The following C6orf163 variants were observed in gnomAD, a reference collection of about 807,000 sequenced individuals.
C6orf163 encodes the protein uncharacterized protein C6orf163.
A neutral mutation model predicts 28.4 loss-of-function variants in C6orf163; 22 were observed. The ratio of observed to expected loss-of-function variants is 0.78; its 90% confidence interval spans 0.55 to 1.11. The LOEUF is 1.11. C6orf163 is among the 50% of genes least tolerant of loss of function. The probability of loss-of-function intolerance (pLI) is 0.00; values close to 1 mark genes in which losing one functional copy is unlikely to be tolerated. For missense variants in C6orf163, 342 were observed against 389.1 expected (o/e 0.88, Z 1.02); for synonymous variants, 110 against 123.6 (o/e 0.89, Z 0.73).
chr6:87,351,398 G>A (rs35773306), intron 3 of C6orf163, among the ~76,000 whole-genome samples: 2,400 of 152,258 alleles, frequency 0.016, 58 homozygotes, highest in African/African-American at 0.053. Context: ...AGCACCTACC[G>A]TATATTAGAT....
At chr6:87,345,992 G>A (rs956784981) in intron 1 of C6orf163, among the ~76,000 whole-genome samples, 1 of 147,478 alleles carries the variant, frequency 6.8e-6, no homozygotes, top group Non-Finnish European at 1.5e-5. Flanking sequence ...CCTTTAAATA[G>A]TAGCTGGTAG....
chr6:87,360,983 A>G lies in C6orf163; in HGVS notation c.555-3978A>G, dbSNP rs540427504. Reference sequence around the variant, plus strand: ...GAACTCATCAGAATGAAAGGATCAAATATTCAAGCACTAAGGCAGGCTGGG... The same window carrying G: ...GAACTCATCAGAATGAAAGGATCAAGTATTCAAGCACTAAGGCAGGCTGGG... On this transcript the variant is annotated intron_variant, in intron 4 of 4. Transcript: ENST00000388923. Among the ~76,000 whole-genome samples the G allele has an allele frequency of 9.2e-5, 14 of 152,256 alleles. No individual in the cohort carries two copies. In the East Asian group the frequency reaches 2.7e-3, roughly 29 times the overall value.
At chr6:87,345,300 C>T in intron 1 of C6orf163, 53 bp downstream of exon 1, 1 of 1,431,442 alleles carries the variant, frequency 7.0e-7, no homozygotes, top group Middle Eastern at 1.8e-4. Context: ...CCTTATGTGT[C>T]ATTCTTTCTG....
chr6:87,350,761 A>G (rs1475661722), intron 3 of C6orf163, among the ~76,000 whole-genome samples: 1 of 152,198 alleles, frequency 6.6e-6, no homozygotes, highest in Non-Finnish European at 1.5e-5. Flanking sequence ...CACACTGTCC[A>G]TGACACCCTG....
Position 87,347,952 on chromosome 6 carries a change from T to A in C6orf163, c.149-860T>A, listed in dbSNP as rs1436739601. The A allele has an allele frequency of 5.0e-6, 4 of 803,468 alleles. No homozygotes were observed. The African/African-American group carries it at 7.5e-5, about 15-fold the overall frequency. The allele number at this position is 803,468 out of a possible 1,614,324, so 49.8% of individuals were successfully genotyped here. A position where few individuals can be genotyped will look rare whatever the true frequency, so the allele number is the denominator to read the frequency against. On this transcript the variant is annotated intron_variant, in intron 1 of 4. Coordinates refer to ENST00000388923, the MANE Select transcript of C6orf163 (RefSeq NM_001010868.3). ...GGGCAGATCACTTGAGGTCAAGAGTTCGAGACCAGCCTGACCAACATGGTG... is the reference window on the plus strand; with the variant it reads ...GGGCAGATCACTTGAGGTCAAGAGTACGAGACCAGCCTGACCAACATGGTG...
intron 4 of C6orf163, among the ~76,000 whole-genome samples, chr6:87,362,832 G>C (rs1041870693): frequency 5.3e-5 from 8 of 152,096 alleles, no homozygotes; most frequent in African/African-American, 1.7e-4. Flanking sequence ...GGGAGGCAGA[G>C]GGGGAGGATT....
chr6:87,355,175 C>T (rs140927959), intron 3 of C6orf163, among the ~76,000 whole-genome samples: 42 of 152,348 alleles, frequency 2.8e-4, no homozygotes, highest in Non-Finnish European at 4.8e-4. Flanking sequence ...GTCAGCAATC[C>T]TGGCTTCTAT....
chr6:87,351,207 C>CAGA (rs1777407791), intron 3 of C6orf163, among the ~76,000 whole-genome samples: 1 of 152,174 alleles, frequency 6.6e-6, no homozygotes, highest in African/African-American at 2.4e-5. Flanking sequence ...GAAAATGTTA[C>CAGA]AGAACTATTT....
intron 4 of C6orf163, among the ~76,000 whole-genome samples, chr6:87,358,768 C>T (rs2127934523): frequency 6.6e-6 from 1 of 152,266 alleles, no homozygotes; most frequent in South Asian, 2.1e-4. Context: ...TTGTATACTC[C>T]CTGCATCTGG....
Position 87,365,013 on chromosome 6 carries a change from A to G in C6orf163, c.607A>G (p.Lys203Glu), listed in dbSNP as rs1056890584. 2.8e-5 allele frequency: 43 copies of G among 1,551,550 alleles called. No homozygotes were observed. Among genetic ancestry groups the G allele is most frequent in the Non-Finnish European group, 3.6e-5 (41 of 1,146,930 alleles). The change falls in exon 5 of 5, where the codon AAG becomes GAG. Residue 203 changes from lysine to glutamate, a missense_variant. By Grantham distance (56) the Lys-to-Glu change is moderately conservative. Coordinates refer to ENST00000388923, the MANE Select transcript of C6orf163 (RefSeq NM_001010868.3). ...TGGTGTCACAGTTATTAAGGATGAGAAGACCAGTGTGGCCCGACTGATGAG... is the reference window on the plus strand; with the variant it reads ...TGGTGTCACAGTTATTAAGGATGAGGAGACCAGTGTGGCCCGACTGATGAG... ...NTGVTVIKDE[K>E]TSVARLMREK... is the part of the protein sequence containing the mutation.
At chr6:87,355,336 A>G (rs1582108131) in intron 3 of C6orf163, among the ~76,000 whole-genome samples, 1 of 152,328 alleles carries the variant, frequency 6.6e-6, no homozygotes, top group Non-Finnish European at 1.5e-5. Context: ...CAAGATGGGC[A>G]GATCACTTGA....
chr6:87,356,309 A>C lies in C6orf163; in HGVS notation c.360A>C (p.Thr120=). ...TTTTGCCATTGCTTCAGGAAGTGAC[A>C]GCTAAAACTAAGACAGAGATGTATC... ...EEHQKDLQEV[T]AKTKTEMYQN... The change falls in exon 4 of 5, where the codon ACA becomes ACC. Residue 120 remains threonine, a synonymous_variant. Coordinates refer to ENST00000388923, the MANE Select transcript of C6orf163 (RefSeq NM_001010868.3). 1 of 1,551,718 alleles carries C rather than the reference A, an allele frequency of 6.4e-7. No individual in the cohort carries two copies. The highest frequency in any genetic ancestry group is 1.2e-5 in the South Asian group (1 of 84,060).
intron 4 of C6orf163, 44 bp from the exon 5 acceptor site, chr6:87,364,917 G>T: frequency 3.5e-6 from 5 of 1,408,792 alleles, no homozygotes; most frequent in Non-Finnish European, 4.8e-6. Flanking sequence ...TTTGTTTTTA[G>T]TGGCCAATCC....
rs1777302406 is a variant in C6orf163, at chr6:87,345,067, C to T, written c.-33C>T. ...TTTTCTGATTCTAAGATTATTTTAA[C>T]TGTAAGTAGGAGAAGACATCTGAAA... On this transcript the variant is annotated 5_prime_UTR_variant, in exon 1 of 5. Coordinates refer to ENST00000388923, the MANE Select transcript of C6orf163 (RefSeq NM_001010868.3). 1 of 1,473,338 alleles carries T rather than the reference C, an allele frequency of 6.8e-7. No homozygotes were observed. Among genetic ancestry groups the T allele is most frequent in the Non-Finnish European group, 9.0e-7 (1 of 1,112,876 alleles). 91.3% of individuals were successfully genotyped at this position (1,473,338 alleles called of 1,614,324 possible).
rs1777631797 is a variant in C6orf163 at position 87,365,450 on chromosome 6, T to G, written c.*54T>G. On this transcript the variant is annotated 3_prime_UTR_variant, in exon 5 of 5. Coordinates refer to ENST00000388923, the MANE Select transcript of C6orf163 (RefSeq NM_001010868.3). Reference sequence around the variant, plus strand: ...AGACATCATTCCAGACTAAATAAATTTACTCAAAAACCATGTATTGATTCC... The same window carrying G: ...AGACATCATTCCAGACTAAATAAATGTACTCAAAAACCATGTATTGATTCC... 2 of 1,233,484 alleles carry G rather than the reference T, an allele frequency of 1.6e-6. No individual in the cohort carries two copies. Among genetic ancestry groups the G allele is most frequent in the African/African-American group, 1.5e-5 (1 of 65,156 alleles). 76.4% of individuals were successfully genotyped at this position (1,233,484 alleles called of 1,614,324 possible). A position where few individuals can be genotyped will look rare whatever the true frequency, so the allele number is the denominator to read the frequency against.
In C6orf163 at chr6:87,361,178, C is replaced by T. The variant is rs372319925; in HGVS notation, c.555-3783C>T. 3.8e-4 allele frequency among the ~76,000 whole-genome samples: 58 copies of T among 151,918 alleles called. 2 individuals are homozygous for T. In the South Asian group the frequency reaches 7.1e-3, roughly 19 times the overall value. On this transcript the variant is annotated intron_variant, in intron 4 of 4. Transcript: ENST00000388923. The stretch of plus-strand genomic sequence containing the variant: ...CACATGCCTGTAGTCTCAGCTATTC[C>T]GGAGGCTGAGGTGGGAGGATTGCTT...
At chr6:87,346,811 C>T (rs1234867799) in intron 1 of C6orf163, among the ~76,000 whole-genome samples, 1 of 123,476 alleles carries the variant, frequency 8.1e-6, no homozygotes. Context: ...TTTTCCTTCA[C>T]GTTTAAATAA....
chr6:87,347,576 G>C (rs929182464), intron 1 of C6orf163: 1 of 985,308 alleles, frequency 1.0e-6, no homozygotes, highest in African/African-American at 1.7e-5. Context: ...GTGTTTTTAA[G>C]ATTCGCTGAT....
chr6:87,354,563 T>G lies in C6orf163; in HGVS notation c.352-1738T>G, dbSNP rs201405939. Among the ~76,000 whole-genome samples the G allele has an allele frequency of 1.4e-4, 21 of 152,310 alleles. No individual in the cohort carries two copies. The East Asian group carries it at 3.1e-3, about 22-fold the overall frequency. On this transcript the variant is annotated intron_variant, in intron 3 of 4. Transcript: ENST00000388923. Reference sequence around the variant, plus strand: ...CAAAATATTCTTTTGTCAAAAAAATTTTAGTGATTTAAGAGACAAAGCCTT... The same window carrying G: ...CAAAATATTCTTTTGTCAAAAAAATGTTAGTGATTTAAGAGACAAAGCCTT...
Sources: allele counts gnomAD v4.1 joint callset (sites outside exome capture counted in the v4.1 genomes callset), GRCh38; gene constraint gnomAD v4.1.1; transcripts MANE v1.5; gene names NCBI Gene and HGNC (gene_info 2026-07-23, HGNC 2026-07-21).